Variants in ELMOD2 observed in about 807,000 individuals in gnomAD.
ELMOD2 encodes ELMO domain containing 2.
ELMOD2 carries 28 observed loss-of-function variants against 41.0 expected under a neutral mutation model. The ratio of observed to expected loss-of-function variants is 0.68; its 90% CI spans 0.51 to 0.94. ELMOD2 has a LOEUF of 0.94. Ranked by LOEUF, ELMOD2 falls within the 40% of genes least tolerant of loss-of-function variation. The pLI is 0.00. For synonymous variants in ELMOD2, 106 were observed against 107.2 expected (o/e 0.99, Z 0.07); for missense variants, 333 against 343.1 (o/e 0.97, Z 0.23).
chr4:140,533,963 C>G (rs963304658), intron 3 of ELMOD2, among the ~76,000 whole-genome samples: 1 of 152,040 alleles, frequency 6.6e-6, no homozygotes, highest in Non-Finnish European at 1.5e-5. Context: ...ACGAACAACA[C>G]TAATGTTGGA....
At position 140,551,784 on chromosome 4, in the gene ELMOD2, TGACA is replaced by T. The variant is rs1318265247; in HGVS notation, c.*1413_*1416del. 3 of 152,072 alleles carry T rather than the reference TGACA, an allele frequency of 2.0e-5. No individual in the cohort carries two copies. Among genetic ancestry groups the T allele is most frequent in the East Asian group, 1.9e-4 (1 of 5,198 alleles). The allele number at this position is 152,072 out of a possible 1,614,324, so 9.4% of individuals were successfully genotyped here. On this transcript the variant is annotated 3_prime_UTR_variant, in exon 9 of 9. Coordinates refer to ENST00000323570, the MANE Select transcript of ELMOD2 (RefSeq NM_153702.4). Reference sequence around the variant, plus strand: ...TTTATAAGTATTTGCTCGTGTCTGTTGACAGACCTCTTTCTTTCAAACTTGTTAG... The same window carrying T: ...TTTATAAGTATTTGCTCGTGTCTGTTGACCTCTTTCTTTCAAACTTGTTAG...
Position 140,525,404 on chromosome 4 carries a change from T to C in ELMOD2, c.-9-16T>C. 1 of 1,610,556 alleles carries C rather than the reference T, an allele frequency of 6.2e-7. No homozygotes were observed. Among genetic ancestry groups the C allele is most frequent in the Non-Finnish European group, 8.5e-7 (1 of 1,178,852 alleles). ...TTAAGGTCATTAAGCTTGTCTTGTA[T>C]GTTTCCCTCCTCCAGGAAAAAAAAA... is the stretch of plus-strand genomic sequence containing the variant. On this transcript the variant is annotated splice_polypyrimidine_tract_variant and intron_variant, in intron 1 of 8. Transcript: ENST00000323570.
intron 8 of ELMOD2, among the ~76,000 whole-genome samples, chr4:140,546,896 G>C (rs1735308156): frequency 6.6e-6 from 1 of 152,088 alleles, no homozygotes; most frequent in Non-Finnish European, 1.5e-5. Context: ...CAATCTATAA[G>C]AGCTGTAGAT....
intron 5 of ELMOD2, among the ~76,000 whole-genome samples, chr4:140,539,138 A>G (rs189450398): frequency 6.6e-6 from 1 of 152,198 alleles, no homozygotes; most frequent in Admixed American, 6.5e-5. Flanking sequence ...AGGTAACAGA[A>G]TACTCCTTTC....
At chr4:140,545,851 G>A (rs577962936) in intron 8 of ELMOD2, among the ~76,000 whole-genome samples, 18 of 152,244 alleles carry the variant, frequency 1.2e-4, no homozygotes, top group Admixed American at 1.1e-3. Flanking sequence ...TGCTGGAGAG[G>A]ATGTGGAGAA....
chr4:140,526,772 C>T (rs1015614929), intron 2 of ELMOD2: 11 of 152,136 alleles, frequency 7.2e-5, no homozygotes, highest in African/African-American at 2.7e-4. Flanking sequence ...AACAAAGTAC[C>T]TCTTGATAAG....
At chr4:140,542,251 T>G (rs935074379) in intron 6 of ELMOD2, among the ~76,000 whole-genome samples, 2 of 151,570 alleles carry the variant, frequency 1.3e-5, no homozygotes, top group Admixed American at 1.3e-4. Flanking sequence ...ATATTGACTC[T>G]TTCATAGAAA....
chr4:140,540,066 T>A (rs1735057925), intron 5 of ELMOD2, 102 bp from the exon 6 acceptor site: 5 of 1,367,348 alleles, frequency 3.7e-6, no homozygotes, highest in Non-Finnish European at 4.9e-6. Flanking sequence ...AAGTCTTTGC[T>A]TAACCTATGG....
At chr4:140,543,415 T>C (rs1164047534) in intron 7 of ELMOD2, 38 bp from the exon 8 acceptor site, 4 of 1,564,094 alleles carry the variant, frequency 2.6e-6, no homozygotes, top group Non-Finnish European at 3.4e-6. Context: ...TATGAGTTAT[T>C]TGGCTAGCTG....
At chr4:140,550,147 G>A in intron 8 of ELMOD2, 83 bp from the exon 9 acceptor site, 5 of 1,156,394 alleles carry the variant, frequency 4.3e-6, no homozygotes, top group Non-Finnish European at 6.1e-6. Context: ...TTTAAAGGAT[G>A]GTTATATACT....
chr4:140,552,781 T>G lies in ELMOD2; in HGVS notation c.*2406T>G, dbSNP rs1463216997. 2.0e-5 allele frequency: 3 copies of G among 152,072 alleles called. No individual in the cohort carries two copies. The highest frequency in any genetic ancestry group is 1.5e-5 in the Non-Finnish European group (1 of 67,952). The allele number at this position is 152,072 out of a possible 1,614,324, so 9.4% of individuals were successfully genotyped here. A position where few individuals can be genotyped will look rare whatever the true frequency, so the allele number is the denominator to read the frequency against. On this transcript the variant is annotated 3_prime_UTR_variant, in exon 9 of 9. Coordinates refer to ENST00000323570, the MANE Select transcript of ELMOD2 (RefSeq NM_153702.4). ...AAAAGTAAATAGATGTTGAAATGAA[T>G]TTTTGTATGTGCCAGGTTGAAGAGA... is the stretch of plus-strand genomic sequence containing the variant.
chr4:140,525,528 A>G lies in ELMOD2; in HGVS notation c.100A>G (p.Ile34Val), dbSNP rs755034557. 3.7e-6 allele frequency: 6 copies of G among 1,613,920 alleles called. No homozygotes were observed. Among genetic ancestry groups the G allele is most frequent in the Non-Finnish European group, 5.1e-6 (6 of 1,179,922 alleles). ...GACTGGGAAGTGTGAATTGCAGCGAATATTTGATACCTATGTAGGTGCACA... is the reference window on the plus strand; with the variant it reads ...GACTGGGAAGTGTGAATTGCAGCGAGTATTTGATACCTATGTAGGTGCACA... Reference protein sequence around the residue: ...QMTGKCELQRIFDTYVGAQRT... With the variant: ...QMTGKCELQRVFDTYVGAQRT... The change falls in exon 2 of 9, where the codon ATA (isoleucine) becomes GTA (valine). Residue 34 changes from isoleucine to valine, a missense_variant. Physicochemically the swap from Ile to Val is conservative, Grantham distance 29 (BLOSUM62 3). Transcript: ENST00000323570.
intron 5 of ELMOD2, among the ~76,000 whole-genome samples, chr4:140,538,922 A>G (rs943782123): frequency 4.6e-5 from 7 of 152,228 alleles, no homozygotes; most frequent in African/African-American, 2.4e-5. Context: ...TAGTGGTTCT[A>G]CACTGTGGCT....
At chr4:140,532,559 A>G (rs1322797190) in intron 3 of ELMOD2, among the ~76,000 whole-genome samples, 1 of 152,214 alleles carries the variant, frequency 6.6e-6, no homozygotes, top group Non-Finnish European at 1.5e-5. Flanking sequence ...ATACTGAAAA[A>G]CTGTTTTGAC....
In ELMOD2 at chr4:140,549,681, C is replaced by CTTTTTTTTTT. The variant is rs10538089; in HGVS notation, c.737-528_737-519dup. 4.7e-5 allele frequency among the ~76,000 whole-genome samples: 2 copies of CTTTTTTTTTT among 42,930 alleles called. 1 individual carries two copies. The highest frequency in any genetic ancestry group is 2.3e-4 in the African/African-American group (2 of 8,854). 28.2% of individuals were successfully genotyped at this position (42,930 alleles called of 152,430 possible). A position where few individuals can be genotyped will look rare whatever the true frequency, so the allele number is the denominator to read the frequency against. ...AAGGTATCTTTTGAAAGTACTACAT[C>CTTTTTTTTTT]TTTTTTTTTTTTTTTTTTTTTTTTT... On this transcript the variant is annotated intron_variant, in intron 8 of 8. Coordinates refer to ENST00000323570, the MANE Select transcript of ELMOD2 (RefSeq NM_153702.4).
chr4:140,537,393 A>G lies in ELMOD2; in HGVS notation c.270-19A>G, dbSNP rs768536262. On this transcript the variant is annotated intron_variant, in intron 4 of 8. Coordinates refer to ENST00000323570, the MANE Select transcript of ELMOD2 (RefSeq NM_153702.4). ...TGATAAGAGGGTATGCTTTTTAAAA[A>G]TAATTTTATCATTTTTAGTTTTAAA... The G allele has an allele frequency of 1.4e-6, 2 of 1,479,740 alleles. No homozygotes were observed. Among genetic ancestry groups the G allele is most frequent in the Non-Finnish European group, 1.8e-6 (2 of 1,121,464 alleles). 91.7% of individuals were successfully genotyped at this position (1,479,740 alleles called of 1,614,324 possible). A position where few individuals can be genotyped will look rare whatever the true frequency, so the allele number is the denominator to read the frequency against.
chr4:140,548,296 T>C (rs1466090583), intron 8 of ELMOD2, among the ~76,000 whole-genome samples: 3 of 152,180 alleles, frequency 2.0e-5, no homozygotes, highest in African/African-American at 7.2e-5. Context: ...AGGCAGAACA[T>C]TAATCTCTAA....
At chr4:140,532,655 G>T (rs1734789069) in intron 3 of ELMOD2, among the ~76,000 whole-genome samples, 1 of 152,172 alleles carries the variant, frequency 6.6e-6, no homozygotes, top group African/African-American at 2.4e-5. Flanking sequence ...TGAAAAACCT[G>T]CAGCTAACAT....
Position 140,540,241 on chromosome 4 carries a change from A to G in ELMOD2, c.473A>G (p.Gln158Arg). The change falls in exon 6 of 9, where the codon CAG (glutamine) becomes CGG (arginine). Residue 158 changes from glutamine to arginine, a missense_variant. By Grantham distance (43) the Gln-to-Arg change is conservative (BLOSUM62 1). Coordinates refer to ENST00000323570, the MANE Select transcript of ELMOD2 (RefSeq NM_153702.4). ...ISKQWAEIGF[Q>R]GDDPKTDFRG... Reference sequence around the variant, plus strand: ...AAGCAGTGGGCTGAAATTGGTTTTCAGGGTGATGATCCCAAGACAGACTTC... The same window carrying G: ...AAGCAGTGGGCTGAAATTGGTTTTCGGGGTGATGATCCCAAGACAGACTTC... 2.5e-6 allele frequency: 4 copies of G among 1,614,182 alleles called. No homozygotes were observed. The highest frequency in any genetic ancestry group is 3.4e-6 in the Non-Finnish European group (4 of 1,180,008).
Sources: gnomAD v4.1 joint callset for allele counts (sites outside exome capture counted in the v4.1 genomes callset) on GRCh38, gnomAD v4.1.1 for gene constraint, MANE v1.5 for transcripts, NCBI Gene and HGNC (gene_info 2026-07-23, HGNC 2026-07-21) for gene names.